Variants in ZMYM2 observed in about 807,000 individuals in gnomAD.
ZMYM2 encodes the protein zinc finger MYM-type protein 2.
In ZMYM2, 56 loss-of-function variants were observed where a neutral mutation model predicts 162.8. That is an observed-to-expected ratio of 0.34 (90% CI 0.28 to 0.43). The LOEUF is 0.43. ZMYM2 is among the 20% of genes least tolerant of loss of function. ZMYM2 has a pLI of 1.00. For missense variants in ZMYM2, 1,275 were observed against 1,621.8 expected, an observed-to-expected ratio of 0.79 and a Z score of 3.67; for synonymous variants, 510 against 541.6, an observed-to-expected ratio of 0.94 and a Z score of 0.81.
chr13:19,961,316 ACTG>A (rs1280301988), intron 2 of ZMYM2, among the ~76,000 whole-genome samples: 2 of 152,142 alleles, frequency 1.3e-5, no homozygotes, highest in Non-Finnish European at 2.9e-5. Flanking sequence ...AGATTTTTAT[ACTG>A]CCTTGTTTCA....
intron 2 of ZMYM2, among the ~76,000 whole-genome samples, chr13:19,966,961 G>A (rs903005326): frequency 4.6e-5 from 7 of 152,056 alleles, no homozygotes; most frequent in Non-Finnish European, 1.0e-4. Flanking sequence ...GTCTCTGTAC[G>A]GTTTTACATT....
rs1594231770 is a variant in ZMYM2, at chr13:19,993,045, T to C, written c.-10-18T>C. ...AGTCATACTGACATTTTAATTCTTT[T>C]TTCTATCTTCCTAACAGGTTCTTTG... On this transcript the variant is annotated intron_variant, in intron 2 of 24. Transcript: ENST00000610343. 5.8e-6 allele frequency: 9 copies of C among 1,544,738 alleles called. No homozygotes were observed. The East Asian group carries it at 2.0e-4, about 35-fold the overall frequency.
the ZMYM2 span, among the ~76,000 whole-genome samples, chr13:19,943,934 T>A: frequency 6.6e-6 from 1 of 152,180 alleles, no homozygotes; most frequent in East Asian, 1.9e-4. Flanking sequence ...TTATCCAATG[T>A]GTCTAGTGTG....
chr13:19,928,609 C>T, the ZMYM2 span, among the ~76,000 whole-genome samples: 2 of 151,952 alleles, frequency 1.3e-5, no homozygotes, highest in African/African-American at 4.8e-5. Flanking sequence ...CCAGCCTGGC[C>T]AACGTGGCAA....
the ZMYM2 span, among the ~76,000 whole-genome samples, chr13:19,906,417 C>T: frequency 7.0e-6 from 1 of 143,054 alleles, no homozygotes; most frequent in Non-Finnish European, 1.5e-5. Context: ...ATGCCGTTTG[C>T]TAGCTGTCTT....
At chr13:20,014,336 TGTTGGG>T (rs1951438496) in intron 6 of ZMYM2, among the ~76,000 whole-genome samples, 1 of 152,168 alleles carries the variant, frequency 6.6e-6, no homozygotes, top group South Asian at 2.1e-4. Context: ...CCTCCCAAAA[TGTTGGG>T]ATTATAGGCA....
chr13:19,906,752 G>T, the ZMYM2 span, among the ~76,000 whole-genome samples: 1 of 151,886 alleles, frequency 6.6e-6, no homozygotes, highest in East Asian at 1.9e-4. Context: ...GTAGAGATGG[G>T]GTCTCACTAT....
At chr13:19,965,158 A>G (rs1161909158) in intron 2 of ZMYM2, 4 of 989,002 alleles carry the variant, frequency 4.0e-6, no homozygotes, top group Non-Finnish European at 5.3e-6. Flanking sequence ...GAAGTTGCAG[A>G]CAGAATAATG....
chr13:20,052,410 G>A, intron 14 of ZMYM2, 99 bp downstream of exon 14: 1 of 1,232,042 alleles, frequency 8.1e-7, no homozygotes, highest in Admixed American at 2.9e-5. Context: ...TAATTTTTTT[G>A]GTTTTTTTTT....
intron 12 of ZMYM2, among the ~76,000 whole-genome samples, chr13:20,040,521 G>A (rs552035380): frequency 6.6e-6 from 1 of 150,684 alleles, no homozygotes; most frequent in African/African-American, 2.4e-5. Context: ...TATTAATCCC[G>A]CCCACCCCTG....
At chr13:20,062,781 A>C in intron 17 of ZMYM2, 65 bp from the exon 18 acceptor site, 1 of 1,440,270 alleles carries the variant, frequency 6.9e-7, no homozygotes, top group Non-Finnish European at 9.2e-7. Context: ...CTTTTGCCAG[A>C]TTAAATACAG....
In ZMYM2 at chr13:20,065,694, C is replaced by T. The variant is rs148519375; in HGVS notation, c.3132+1149C>T. 6.9e-3 allele frequency among the ~76,000 whole-genome samples: 1,049 copies of T among 152,192 alleles called. 15 individuals carry two copies. The highest frequency in any genetic ancestry group is 0.022 in the African/African-American group (911 of 41,518). On this transcript the variant is annotated intron_variant, in intron 19 of 24. Transcript: ENST00000610343. The stretch of plus-strand genomic sequence containing the variant: ...TGGCACGTGCCTGCAGTCCCAGCTA[C>T]CCAGGAGGAGGATCGAGGCTGCAGT...
chr13:19,991,828 T>C (rs542046651), intron 2 of ZMYM2, among the ~76,000 whole-genome samples: 14 of 151,646 alleles, frequency 9.2e-5, no homozygotes, highest in Non-Finnish European at 1.9e-4. Context: ...TGGGGTTTTG[T>C]CATGTTGCCC....
At chr13:19,977,964 C>T (rs1956941402) in intron 2 of ZMYM2, among the ~76,000 whole-genome samples, 1 of 151,294 alleles carries the variant, frequency 6.6e-6, no homozygotes, top group South Asian at 2.1e-4. Context: ...GCAAGCCCCG[C>T]CTCCCGGGTT....
At chr13:19,919,458 C>T in the ZMYM2 span, among the ~76,000 whole-genome samples, 1 of 152,092 alleles carries the variant, frequency 6.6e-6, no homozygotes, top group Non-Finnish European at 1.5e-5. Flanking sequence ...TTTTACATTC[C>T]CACCAGCAAT....
intron 2 of ZMYM2, among the ~76,000 whole-genome samples, chr13:19,979,032 T>C (rs1033118763): frequency 2.0e-5 from 3 of 152,202 alleles, no homozygotes; most frequent in African/African-American, 4.8e-5. Flanking sequence ...GACAGATTTT[T>C]TTCCCCCCTC....
chr13:19,868,804 G>A, the ZMYM2 span, among the ~76,000 whole-genome samples: 1 of 152,220 alleles, frequency 6.6e-6, no homozygotes, highest in Non-Finnish European at 1.5e-5. Flanking sequence ...AGGCTGGAGT[G>A]CAGTGGCACA....
intron 12 of ZMYM2, among the ~76,000 whole-genome samples, chr13:20,046,669 A>G (rs922635371): frequency 9.4e-5 from 14 of 149,550 alleles, no homozygotes; most frequent in South Asian, 4.2e-4. Context: ...GTGTATATAT[A>G]TGTGTGTATA....
At position 20,021,097 on chromosome 13, in the gene ZMYM2, T is replaced by TCCC. The variant is rs148839194; in HGVS notation, c.1584+1480_1584+1482dup. Among the ~76,000 whole-genome samples, 3 of 152,034 alleles carry TCCC rather than the reference T, an allele frequency of 2.0e-5. No homozygotes were observed. The East Asian group carries it at 5.8e-4, about 29-fold the overall frequency. ...TTAACGCCATTCTCCTGCCTCAGCCTCCCTAGTAGCTGGGACTGCAGGTGC... is the reference window on the plus strand; with the variant it reads ...TTAACGCCATTCTCCTGCCTCAGCCTCCCCCCTAGTAGCTGGGACTGCAGGTGC... On this transcript the variant is annotated intron_variant, in intron 7 of 24. Transcript: ENST00000610343.
Sources: gnomAD v4.1 joint callset for allele counts (sites outside exome capture counted in the v4.1 genomes callset) on GRCh38, gnomAD v4.1.1 for gene constraint, MANE v1.5 for transcripts, NCBI Gene and HGNC (gene_info 2026-07-23, HGNC 2026-07-21) for gene names.